The following SEMA4D variants were observed in gnomAD, a reference collection of about 807,000 sequenced individuals.
The protein encoded by SEMA4D is semaphorin 4D.
In SEMA4D, 22 loss-of-function variants were observed where a neutral mutation model predicts 74.8. The observed-to-expected ratio is 0.29, with a 90% CI of 0.21 to 0.42. The LOEUF (loss-of-function observed/expected upper bound fraction) is 0.42, where lower values mean the gene tolerates loss of function less well. SEMA4D is among the 10% of genes least tolerant of loss of function. The pLI, the probability that SEMA4D is intolerant of heterozygous loss-of-function variation, is 1.00. For synonymous variants in SEMA4D, 445 were observed against 463.7 expected (o/e 0.96, Z 0.52); for missense variants, 937 against 1,118.4 (o/e 0.84, Z 2.31).
chr9:89,434,482 C>T (rs764332523), intron 2 of SEMA4D, among the ~76,000 whole-genome samples: 1 of 152,158 alleles, frequency 6.6e-6, no homozygotes, highest in East Asian at 1.9e-4. Context: ...TACTGTCTTT[C>T]GTCAGTTTAA....
At position 89,392,462 on chromosome 9, in the gene SEMA4D, T is replaced by C. The variant is rs781582499; in HGVS notation, c.583A>G (p.Ser195Gly). 37 of 1,613,778 alleles carry C rather than the reference T, an allele frequency of 2.3e-5. No individual in the cohort carries two copies. The African/African-American group carries it at 3.7e-4, about 16-fold the overall frequency. ...ATTGCATATTCTGTCCTCAGAGGACTGTGGGAAGAATTTCGGGAGATGATG... is the reference window on the plus strand; with the variant it reads ...ATTGCATATTCTGTCCTCAGAGGACCGTGGGAAGAATTTCGGGAGATGATG... ...EPIISRNSSH[S>G]PLRTEYAIPW... The change falls in exon 8 of 16, where the codon AGT becomes GGT. Residue 195 changes from serine (S) to glycine (G), a missense_variant. Coordinates refer to ENST00000422704, the MANE Select transcript of SEMA4D (RefSeq NM_001371194.2).
At position 89,484,988 on chromosome 9, in the gene SEMA4D, TTGTGTG is replaced by T. The variant is rs111818272; in HGVS notation, c.-310+12925_-310+12930del. Among the ~76,000 whole-genome samples, 7 of 149,808 alleles carry T rather than the reference TTGTGTG, an allele frequency of 4.7e-5. No individual in the cohort carries two copies. The highest frequency in any genetic ancestry group is 2.1e-4 in the South Asian group (1 of 4,716). The stretch of plus-strand genomic sequence containing the variant: ...GGTGGAGGCATATGTGTGTAGTATG[TTGTGTG>T]TGTGTGTGTGTGTGTGTTCCAGAGC... On this transcript the variant is annotated intron_variant, in intron 1 of 15. Transcript: ENST00000422704. The surrounding 1 kb of genome is among the most constrained non-coding windows in gnomAD (Gnocchi z 4.1).
At chr9:89,461,700 C>CTCTCTCTCTTTTTTT (rs71281350) in intron 1 of SEMA4D, among the ~76,000 whole-genome samples, 43 of 103,650 alleles carry the variant, frequency 4.1e-4, no homozygotes, top group African/African-American at 1.5e-3. Context: ...TCTTTTTTCT[C>CTCTCTCTCTTTTTTT]TTTTTTTTTT....
rs980130104 is a variant in SEMA4D at position 89,484,438 on chromosome 9, A to G, written c.-310+13481T>C. ...TGGTGTGTGTGGTGTGTATGTGTAC[A>G]GTGTGTGTTGTGTGTGTTTTGTGTG... On this transcript the variant is annotated intron_variant, in intron 1 of 15. Coordinates refer to ENST00000422704, the MANE Select transcript of SEMA4D (RefSeq NM_001371194.2). The surrounding 1 kb of genome is among the most constrained non-coding windows in gnomAD (Gnocchi z 4.1). Among the ~76,000 whole-genome samples the G allele has an allele frequency of 1.4e-5, 2 of 147,064 alleles. No individual in the cohort carries two copies. Among genetic ancestry groups the G allele is most frequent in the African/African-American group, 5.1e-5 (2 of 39,584 alleles).
chr9:89,442,736 C>A (rs1371238059), intron 2 of SEMA4D, among the ~76,000 whole-genome samples: 1 of 152,172 alleles, frequency 6.6e-6, no homozygotes, highest in Non-Finnish European at 1.5e-5. Flanking sequence ...TTCATAACTG[C>A]ATCCGTCCCA....
At chr9:89,404,225 G>A (rs569775610) in intron 3 of SEMA4D, among the ~76,000 whole-genome samples, 14 of 152,324 alleles carry the variant, frequency 9.2e-5, no homozygotes, top group African/African-American at 2.4e-4. Flanking sequence ...CACGTAGGAC[G>A]AGCATTCTTA....
At chr9:89,441,785 C>T (rs1183162440) in intron 2 of SEMA4D, among the ~76,000 whole-genome samples, 1 of 152,194 alleles carries the variant, frequency 6.6e-6, no homozygotes, top group Admixed American at 6.5e-5. Flanking sequence ...CCTAACCCCC[C>T]TCCCACACTC....
At chr9:89,425,849 T>C (rs1214487403) in intron 2 of SEMA4D, among the ~76,000 whole-genome samples, 3 of 152,204 alleles carry the variant, frequency 2.0e-5, no homozygotes, top group Non-Finnish European at 4.4e-5. Context: ...ACTGGCACAG[T>C]GCTCTCCAGC....
intron 2 of SEMA4D, among the ~76,000 whole-genome samples, chr9:89,416,607 C>T (rs564754752): frequency 7.9e-5 from 12 of 152,314 alleles, no homozygotes; most frequent in African/African-American, 2.9e-4. Context: ...CAGGGACACA[C>T]AGATACCAGA....
intron 2 of SEMA4D, among the ~76,000 whole-genome samples, chr9:89,439,233 G>A (rs1793605442): frequency 6.6e-6 from 1 of 152,004 alleles, no homozygotes; most frequent in Non-Finnish European, 1.5e-5. Flanking sequence ...GCCCACCTTG[G>A]CTTCCCAAAG....
intron 1 of SEMA4D, among the ~76,000 whole-genome samples, chr9:89,488,305 A>G (rs1825349064): frequency 6.7e-6 from 1 of 149,054 alleles, no homozygotes; most frequent in Non-Finnish European, 1.5e-5. Context: ...ATGAACCTCA[A>G]TCCTTAGCTC....
chr9:89,497,688 G>C (rs914805772), intron 1 of SEMA4D, among the ~76,000 whole-genome samples: 2 of 151,366 alleles, frequency 1.3e-5, no homozygotes, highest in Non-Finnish European at 3.0e-5. Flanking sequence ...GAGGGGTCCG[G>C]GTAGGTGTCT....
chr9:89,443,928 C>T (rs1338772095), intron 2 of SEMA4D, among the ~76,000 whole-genome samples: 1 of 152,140 alleles, frequency 6.6e-6, no homozygotes, highest in African/African-American at 2.4e-5. Flanking sequence ...GTCAGGCAGC[C>T]CTGGGCCAGG....
chr9:89,364,069 A>G (rs1442870741), intron 16 of SEMA4D: 12 of 1,589,214 alleles, frequency 7.6e-6, no homozygotes, highest in Non-Finnish European at 1.0e-5. Context: ...GACTTGGGAC[A>G]ACTTCCAATT....
intron 2 of SEMA4D, chr9:89,405,916 C>T (rs1843222367): frequency 8.4e-7 from 1 of 1,188,154 alleles, no homozygotes; most frequent in Non-Finnish European, 1.0e-6. Flanking sequence ...CTTCCCGCTC[C>T]TCCAGCTACC....
intron 2 of SEMA4D, chr9:89,450,776 T>C (rs1854307767): frequency 2.0e-6 from 2 of 1,012,626 alleles, no homozygotes; most frequent in Admixed American, 2.4e-5. Context: ...TCTCCCCAGC[T>C]TGCTGCTCCT....
At chr9:89,450,001 G>T (rs1232837198) in intron 2 of SEMA4D, 2 of 1,537,098 alleles carry the variant, frequency 1.3e-6, no homozygotes, top group Middle Eastern at 2.3e-4. Flanking sequence ...GCAGCTCACC[G>T]TTGTGCTGAA....
chr9:89,457,128 G>A (rs1588036410), intron 1 of SEMA4D, among the ~76,000 whole-genome samples: 1 of 152,156 alleles, frequency 6.6e-6, no homozygotes, highest in African/African-American at 2.4e-5. Context: ...ACTGAAGCAG[G>A]ATGGTCGCTT....
At chr9:89,438,522 C>A (rs1850952390) in intron 2 of SEMA4D, among the ~76,000 whole-genome samples, 1 of 152,234 alleles carries the variant, frequency 6.6e-6, no homozygotes, top group Non-Finnish European at 1.5e-5. Flanking sequence ...GGGCTGAAAG[C>A]TATGCCAGTC....
Sources: allele counts gnomAD v4.1 joint callset (sites outside exome capture counted in the v4.1 genomes callset), GRCh38; gene constraint gnomAD v4.1.1; non-coding constraint Gnocchi (gnomAD v3.1); transcripts MANE v1.5; gene names NCBI Gene and HGNC (gene_info 2026-07-23, HGNC 2026-07-21).